Variants in ETF1 observed in about 807,000 individuals in gnomAD.
ETF1 encodes the protein eukaryotic translation termination factor 1, also known as eukaryotic peptide chain release factor subunit 1.
In ETF1, 4 loss-of-function variants were observed where a neutral mutation model predicts 55.1. That is an observed-to-expected ratio of 0.07 (90% CI 0.04 to 0.17). The LOEUF is 0.17. Among genes scored for constraint, ETF1 ranks in the 10% least tolerant of loss-of-function variants. The pLI, the probability that ETF1 is intolerant of heterozygous loss-of-function variation, is 1.00. For synonymous variants in ETF1, 157 were observed against 182.3 expected (o/e 0.86, Z 1.12); for missense variants, 142 against 523.6 (o/e 0.27, Z 7.11).
chr5:138,520,514 G>A (rs570579108), intron 2 of ETF1, among the ~76,000 whole-genome samples: 24 of 152,150 alleles, frequency 1.6e-4, no homozygotes, highest in African/African-American at 3.9e-4. Context: ...ATATCTCATC[G>A]GAAAATTCCT....
intron 2 of ETF1, chr5:138,542,600 G>A: frequency 2.1e-6 from 3 of 1,399,286 alleles, no homozygotes; most frequent in South Asian, 1.5e-5. Flanking sequence ...GAGGGGGGCC[G>A]AGTGATCTAA....
intron 2 of ETF1, among the ~76,000 whole-genome samples, chr5:138,537,240 C>T (rs978350138): frequency 6.6e-6 from 1 of 152,202 alleles, no homozygotes; most frequent in African/African-American, 2.4e-5. Flanking sequence ...ATCTATTTCT[C>T]CTCTTTCTCA....
At chr5:138,539,482 T>C (rs1455456780) in intron 2 of ETF1, among the ~76,000 whole-genome samples, 1 of 152,220 alleles carries the variant, frequency 6.6e-6, no homozygotes, top group Non-Finnish European at 1.5e-5. Flanking sequence ...CCAGGAGCAA[T>C]CATGAACAGG....
chr5:138,512,249 TATATATA>T (rs1764837973), intron 6 of ETF1, among the ~76,000 whole-genome samples: 1 of 10,360 alleles, frequency 9.7e-5, no homozygotes, highest in African/African-American at 3.4e-4. Context: ...TATATATATA[TATATATA>T]TATTTTTTTT....
intron 4 of ETF1, among the ~76,000 whole-genome samples, chr5:138,517,133 G>C (rs531864908): frequency 3.3e-5 from 5 of 152,122 alleles, no homozygotes; most frequent in Admixed American, 2.6e-4. Flanking sequence ...TACTTTGGGA[G>C]GCTAAGGTGG....
intron 2 of ETF1, among the ~76,000 whole-genome samples, chr5:138,534,321 T>G (rs896982494): frequency 2.6e-5 from 4 of 152,156 alleles, no homozygotes; most frequent in African/African-American, 9.7e-5. Context: ...AAAGAAAAAT[T>G]AAAAGATCTT....
intron 2 of ETF1, among the ~76,000 whole-genome samples, chr5:138,538,856 A>T (rs542721862): frequency 8.5e-5 from 13 of 152,370 alleles, no homozygotes; most frequent in Non-Finnish European, 1.9e-4. Context: ...AAGATTTAAA[A>T]CATTAACCTA....
At chr5:138,517,141 T>A (rs1277086169) in intron 4 of ETF1, among the ~76,000 whole-genome samples, 2 of 151,932 alleles carry the variant, frequency 1.3e-5, no homozygotes, top group Non-Finnish European at 2.9e-5. Context: ...GAGGCTAAGG[T>A]GGGTGGATCA....
chr5:138,541,471 A>G, intron 2 of ETF1: 1 of 1,360,440 alleles, frequency 7.4e-7, no homozygotes, highest in South Asian at 1.2e-5. Context: ...CTCATTCCAA[A>G]CAGAACTGTC....
chr5:138,510,722 C>T (rs959267828), intron 8 of ETF1, 93 bp from the exon 9 acceptor site: 20 of 1,513,948 alleles, frequency 1.3e-5, no homozygotes, highest in Admixed American at 4.3e-5. Flanking sequence ...GAAAAGGGCT[C>T]AGGGACTCAA....
At chr5:138,530,828 G>T (rs1765668781) in intron 2 of ETF1, among the ~76,000 whole-genome samples, 1 of 152,218 alleles carries the variant, frequency 6.6e-6, no homozygotes, top group Admixed American at 6.5e-5. Flanking sequence ...GCCTCCCAAA[G>T]AATTGGGATT....
At chr5:138,540,808 G>GA in intron 2 of ETF1, among the ~76,000 whole-genome samples, 1 of 152,128 alleles carries the variant, frequency 6.6e-6, no homozygotes, top group Non-Finnish European at 1.5e-5. Flanking sequence ...GCTAAACAAA[G>GA]AGGTAAAGCC....
At chr5:138,511,023 C>T (rs758220592) in intron 8 of ETF1, 22 bp downstream of exon 8, 3 of 1,608,900 alleles carry the variant, frequency 1.9e-6, no homozygotes, top group Non-Finnish European at 2.5e-6. Flanking sequence ...CAAATAGCAA[C>T]CTTATTTTCT....
Position 138,525,077 on chromosome 5 carries a change from C to T in ETF1, c.87-6210G>A, listed in dbSNP as rs183471127. Among the ~76,000 whole-genome samples the T allele has an allele frequency of 5.3e-5, 8 of 152,062 alleles. No individual in the cohort carries two copies. The East Asian group carries it at 9.7e-4, about 18-fold the overall frequency. ...CCATAAAAGCCAAAGCATGTTTTCC[C>T]GAGAAGTAGTAATTTGTGTTTTTAC... is the stretch of plus-strand genomic sequence containing the variant. On this transcript the variant is annotated intron_variant, in intron 2 of 10. Transcript: ENST00000360541.
At chr5:138,511,667 C>A (rs1303091591) in intron 6 of ETF1, 63 bp from the exon 7 acceptor site, 2 of 1,503,914 alleles carry the variant, frequency 1.3e-6, no homozygotes, top group East Asian at 2.5e-5. Context: ...TATTAAAACA[C>A]CTTTACTCAA....
chr5:138,510,083 C>G (rs1764707295), intron 9 of ETF1, among the ~76,000 whole-genome samples: 1 of 149,692 alleles, frequency 6.7e-6, no homozygotes. Context: ...AAAGACCGGT[C>G]ATGGTGGCTC....
chr5:138,512,003 A>T (rs1764803572), intron 6 of ETF1: 1 of 457,068 alleles, frequency 2.2e-6, no homozygotes, highest in African/African-American at 2.2e-5. Flanking sequence ...TTCTGAGACC[A>T]GCCTAGGCAA....
intron 4 of ETF1, 172 bp from the exon 5 acceptor site, chr5:138,513,878 A>T (rs555031147): frequency 7.1e-4 from 568 of 802,154 alleles, no homozygotes; most frequent in Admixed American, 7.5e-4. Flanking sequence ...TGTAACTCTT[A>T]TGGACAAATT....
rs951564232 is a variant in ETF1, at chr5:138,511,647, T to G, written c.733-43A>C. On this transcript the variant is annotated intron_variant, in intron 6 of 10. Transcript: ENST00000360541. ...TATTATTAGTACTTACTGGTACTTA[T>G]TTAAAATATTATTAAAACACCTTTA... is the stretch of plus-strand genomic sequence containing the variant. 7 of 1,544,138 alleles carry G rather than the reference T, an allele frequency of 4.5e-6. No homozygotes were observed. In the Admixed American group the frequency reaches 6.0e-5, roughly 13 times the overall value.
Sources: gnomAD v4.1 joint callset for allele counts (sites outside exome capture counted in the v4.1 genomes callset) on GRCh38, gnomAD v4.1.1 for gene constraint, MANE v1.5 for transcripts, NCBI Gene and HGNC (gene_info 2026-07-23, HGNC 2026-07-21) for gene names.